Variants in COL7A1 observed in about 807,000 individuals in gnomAD.
The protein encoded by COL7A1 is collagen alpha-1(VII) chain.
In COL7A1, 296 loss-of-function variants were observed where a neutral mutation model predicts 456.2. The ratio of observed to expected loss-of-function variants is 0.65; its 90% CI spans 0.59 to 0.71. The LOEUF (loss-of-function observed/expected upper bound fraction) is 0.71, where lower values mean the gene tolerates loss of function less well. Among genes scored for constraint, COL7A1 ranks in the 30% least tolerant of loss-of-function variants. COL7A1 has a pLI of 0.00. For synonymous variants in COL7A1, 1,464 were observed against 1,525.9 expected (o/e 0.96, Z 0.95); for missense variants, 3,441 against 4,017.2 (o/e 0.86, Z 3.88).
At position 48,584,920 on chromosome 3, in the gene COL7A1, C is replaced by T. The variant is rs759297874; in HGVS notation, c.4001G>A (p.Arg1334His). The change falls in exon 34 of 119, where the codon CGT becomes CAT. Residue 1334 changes from arginine to histidine, a missense_variant. Around this residue, in one of 3 missense-constraint regions of COL7A1, gnomAD observed 2,084 missense variants for 2,501.3 expected, o/e 0.83. Transcript: ENST00000681320. Reference protein sequence around the residue: ...LKGSPGLPGPRGDPGERGPRG... With the variant: ...LKGSPGLPGPHGDPGERGPRG... ...GGGAAGGCACCTTACCGGGTCCCCA[C>T]GAGGGCCAGGCAACCCTGGAGAGCC... The T allele has an allele frequency of 6.8e-6, 11 of 1,613,856 alleles. No individual in the cohort carries two copies. The highest frequency in any genetic ancestry group is 2.2e-5 in the East Asian group (1 of 44,898).
At position 48,595,126 on chromosome 3, in the gene COL7A1, C is replaced by T. The variant is rs771137614; in HGVS notation, c.34G>A (p.Ala12Thr). The T allele has an allele frequency of 2.6e-6, 4 of 1,554,344 alleles. No homozygotes were observed. The South Asian group carries it at 3.6e-5, about 14-fold the overall frequency. Residue 12 changes from alanine to threonine, a missense_variant, in exon 2 of 119, where the codon GCC becomes ACC. This residue lies in a region of COL7A1 where 913 missense variants were observed against 1,088.2 expected (regional missense o/e 0.84). Coordinates refer to ENST00000681320, the MANE Select transcript of COL7A1 (RefSeq NM_000094.4). ...TLRLLVAALC[A>T]GILAEAPRVR... is the part of the protein sequence containing the mutation. Reference sequence around the variant, plus strand: ...CGGGGCGCCTCTGCCAGGATCCCGGCGCAGAGCGCGGCCACCAGAAGCCGC... The same window carrying T: ...CGGGGCGCCTCTGCCAGGATCCCGGTGCAGAGCGCGGCCACCAGAAGCCGC...
chr3:48,567,569 T>C lies in COL7A1; in HGVS notation c.8046+5A>G. 1 of 1,614,138 alleles carries C rather than the reference T, an allele frequency of 6.2e-7. No individual in the cohort carries two copies. Among genetic ancestry groups the C allele is most frequent in the Non-Finnish European group, 8.5e-7 (1 of 1,179,996 alleles). On this transcript the variant is annotated splice_donor_5th_base_variant and intron_variant, in intron 109 of 118. Transcript: ENST00000681320. This position sits in a 1 kb window ranked among gnomAD's most constrained non-coding sequence, Gnocchi z 4.3. ...TGTCATGTCCACTGTCCACAGACCC[T>C]GTACCTTGGGACCGATCAGGCCCTC...
In COL7A1 at chr3:48,567,515, A is replaced by C; in HGVS notation, c.8046+59T>G. 3 of 1,609,480 alleles carry C rather than the reference A, an allele frequency of 1.9e-6. No individual in the cohort carries two copies. The highest frequency in any genetic ancestry group is 2.6e-6 in the Non-Finnish European group (3 of 1,176,178). On this transcript the variant is annotated intron_variant, in intron 109 of 118. Transcript: ENST00000681320. The surrounding 1 kb of genome is among the most constrained non-coding windows in gnomAD (Gnocchi z 4.3). Reference sequence around the variant, plus strand: ...GTCCCTACACCCCCATGACCCGACCATGAGCTTCCCTGCCCCATCCTGACT... The same window carrying C: ...GTCCCTACACCCCCATGACCCGACCCTGAGCTTCCCTGCCCCATCCTGACT...
rs1044779294 is a variant in COL7A1, at chr3:48,569,285, C to T, written c.7686+90G>A. On this transcript the variant is annotated intron_variant, in intron 103 of 118. Coordinates refer to ENST00000681320, the MANE Select transcript of COL7A1 (RefSeq NM_000094.4). This position sits in a 1 kb window ranked among gnomAD's most constrained non-coding sequence, Gnocchi z 4.9. ...TTCCCCCTAAACCCCAGAAAGCCTC[C>T]TCCTGTCCTCCCCTCCTGCCCTCAC... 2 of 1,508,560 alleles carry T rather than the reference C, an allele frequency of 1.3e-6. No individual in the cohort carries two copies. The highest frequency in any genetic ancestry group is 1.8e-6 in the Non-Finnish European group (2 of 1,084,290). 93.4% of individuals were successfully genotyped at this position (1,508,560 alleles called of 1,614,324 possible).
Position 48,564,455 on chromosome 3 carries a change from C to G in COL7A1, c.8819-33G>C, listed in dbSNP as rs547218840. ...GGACAGGTTGGAAACGGTCGTCAGC[C>G]ATCTGACCTTCCCCGGAGACGCTCA... On this transcript the variant is annotated intron_variant, in intron 118 of 118. Coordinates refer to ENST00000681320, the MANE Select transcript of COL7A1 (RefSeq NM_000094.4). This position sits in a 1 kb window ranked among gnomAD's most constrained non-coding sequence, Gnocchi z 6.0. 4 of 1,613,578 alleles carry G rather than the reference C, an allele frequency of 2.5e-6. No individual in the cohort carries two copies. In the Admixed American group the frequency reaches 5.0e-5, roughly 20 times the overall value.
At position 48,569,672 on chromosome 3, in the gene COL7A1, AG is replaced by A. The variant is rs2043787412; in HGVS notation, c.7558-25del. 1 of 1,613,928 alleles carries A rather than the reference AG, an allele frequency of 6.2e-7. No homozygotes were observed. The highest frequency in any genetic ancestry group is 8.5e-7 in the Non-Finnish European group (1 of 1,179,990). On this transcript the variant is annotated intron_variant, in intron 101 of 118. Transcript: ENST00000681320. The surrounding 1 kb of genome is among the most constrained non-coding windows in gnomAD (Gnocchi z 4.9). Reference sequence around the variant, plus strand: ...CCCTGAGGGGGCAGGCAGGAATCAGAGGAGTCGGGAGCACCCTGGCCCCTGC... The same window carrying A: ...CCCTGAGGGGGCAGGCAGGAATCAGAGAGTCGGGAGCACCCTGGCCCCTGC...
Position 48,588,055 on chromosome 3 carries a change from C to A in COL7A1, c.2711-116G>T. ...AACTGGGTTCACCCTCCTGACTGAT[C>A]TTCCTCATCCTCACTGACCCTGCCC... is the stretch of plus-strand genomic sequence containing the variant. On this transcript the variant is annotated intron_variant, in intron 21 of 118. Transcript: ENST00000681320. This position sits in a 1 kb window ranked among gnomAD's most constrained non-coding sequence, Gnocchi z 4.6. The A allele has an allele frequency of 7.3e-7, 1 of 1,376,442 alleles. No individual in the cohort carries two copies. Among genetic ancestry groups the A allele is most frequent in the Non-Finnish European group, 9.9e-7 (1 of 1,008,876 alleles). 85.3% of individuals were successfully genotyped at this position (1,376,442 alleles called of 1,614,324 possible).
At position 48,594,956 on chromosome 3, in the gene COL7A1, C is replaced by T. The variant is rs2045973383; in HGVS notation, c.85+119G>A. 3 of 845,788 alleles carry T rather than the reference C, an allele frequency of 3.5e-6. No individual in the cohort carries two copies. Among genetic ancestry groups the T allele is most frequent in the East Asian group, 2.7e-5 (1 of 37,298 alleles). The allele number at this position is 845,788 out of a possible 1,614,324, so 52.4% of individuals were successfully genotyped here. On this transcript the variant is annotated intron_variant, in intron 2 of 118. Transcript: ENST00000681320. This position sits in a 1 kb window ranked among gnomAD's most constrained non-coding sequence, Gnocchi z 5.5. ...GGGAGTCCCAGAATTAGGAGGAATC[C>T]GCGGGGCGTCGTGGAGTTGGCTGGG...
At position 48,579,470 on chromosome 3, in the gene COL7A1, C is replaced by A; in HGVS notation, c.5271+10G>T. The A allele has an allele frequency of 6.2e-7, 1 of 1,614,142 alleles. No individual in the cohort carries two copies. Among genetic ancestry groups the A allele is most frequent in the Non-Finnish European group, 8.5e-7 (1 of 1,180,038 alleles). On this transcript the variant is annotated intron_variant, in intron 60 of 118. Transcript: ENST00000681320. This position sits in a 1 kb window ranked among gnomAD's most constrained non-coding sequence, Gnocchi z 4.4. The stretch of plus-strand genomic sequence containing the variant: ...GGGACTTGGCAGACGGGGCAAAGTG[C>A]ATCACTCACCTGTGGGCCTGGGGGT...
At position 48,580,549 on chromosome 3, in the gene COL7A1, G is replaced by A; in HGVS notation, c.5052+32C>T. 1 of 1,608,826 alleles carries A rather than the reference G, an allele frequency of 6.2e-7. No homozygotes were observed. The highest frequency in any genetic ancestry group is 8.5e-7 in the Non-Finnish European group (1 of 1,175,744). On this transcript the variant is annotated intron_variant, in intron 55 of 118. Transcript: ENST00000681320. The surrounding 1 kb of genome is among the most constrained non-coding windows in gnomAD (Gnocchi z 4.5). ...GGAATTGGCTGGTTGGAGGGTTAAG[G>A]TTGGGGTGAGGAGTCATAGGCTGGG...
rs13325221 is a variant in COL7A1 at position 48,573,074 on chromosome 3, G to A, written c.6715-18C>T. On this transcript the variant is annotated intron_variant, in intron 85 of 118. Coordinates refer to ENST00000681320, the MANE Select transcript of COL7A1 (RefSeq NM_000094.4). This position sits in a 1 kb window ranked among gnomAD's most constrained non-coding sequence, Gnocchi z 5.5. ...TGTGGACCCTGACGGAGAACAAGTC[G>A]GATGTCAGGGTGACAATGGACACAG... 3.7e-3 allele frequency: 5,894 copies of A among 1,614,100 alleles called. 167 individuals are homozygous for A. The African/African-American group carries it at 0.06, about 17-fold the overall frequency.
At position 48,565,341 on chromosome 3, in the gene COL7A1, C is replaced by T; in HGVS notation, c.8527+69G>A. 6.5e-7 allele frequency: 1 copy of T among 1,537,652 alleles called. No homozygotes were observed. Among genetic ancestry groups the T allele is most frequent in the Admixed American group, 1.9e-5 (1 of 52,006 alleles). On this transcript the variant is annotated intron_variant, in intron 116 of 118. Coordinates refer to ENST00000681320, the MANE Select transcript of COL7A1 (RefSeq NM_000094.4). This position sits in a 1 kb window ranked among gnomAD's most constrained non-coding sequence, Gnocchi z 4.5. ...CCCTACGTGCTTGGCGTGTGCCCTG[C>T]ATTCATGGACACCCATGTGCGTGTC...
Position 48,570,880 on chromosome 3 carries a change from G to A in COL7A1, c.7253C>T (p.Pro2418Leu), listed in dbSNP as rs1393769266. The A allele has an allele frequency of 1.2e-6, 2 of 1,612,724 alleles. No homozygotes were observed. The highest frequency in any genetic ancestry group is 1.3e-5 in the African/African-American group (1 of 74,904). The part of the protein sequence containing the change: ...QTGPRGEMGQ[P>L]GPSGERGLAG... ...CCTCACCCGCTCTCCACTAGGGCCT[G>A]GCTGACCCATCTCTCCTCGAGGGCC... is the stretch of plus-strand genomic sequence containing the variant. Residue 2418 changes from proline to leucine, a missense_variant, in exon 95 of 119, where the codon CCA becomes CTA. This residue lies in a region of COL7A1 where 2,084 missense variants were observed against 2,501.3 expected (regional missense o/e 0.83). Transcript: ENST00000681320. The surrounding 1 kb of genome is among the most constrained non-coding windows in gnomAD (Gnocchi z 5.5).
chr3:48,575,938 CAG>C lies in COL7A1; in HGVS notation c.5821-38_5821-37del. On this transcript the variant is annotated intron_variant, in intron 71 of 118. Coordinates refer to ENST00000681320, the MANE Select transcript of COL7A1 (RefSeq NM_000094.4). The surrounding 1 kb of genome is among the most constrained non-coding windows in gnomAD (Gnocchi z 6.3). Reference sequence around the variant, plus strand: ...AGTCTGGGTGAAGGGCTGCCCATGACAGAGAAGCTCCTGCCTTCTGCCCCGCA... The same window carrying C: ...AGTCTGGGTGAAGGGCTGCCCATGACAGAAGCTCCTGCCTTCTGCCCCGCA... 1 of 1,614,124 alleles carries C rather than the reference CAG, an allele frequency of 6.2e-7. No individual in the cohort carries two copies. Among genetic ancestry groups the C allele is most frequent in the Non-Finnish European group, 8.5e-7 (1 of 1,180,024 alleles).
Position 48,583,321 on chromosome 3 carries a change from C to T in COL7A1, c.4437+72G>A. Reference sequence around the variant, plus strand: ...GAGGGAACTCTTATCTCCTTATCTTCCAGCCTCCCCTAACACCATGGGGAG... The same window carrying T: ...GAGGGAACTCTTATCTCCTTATCTTTCAGCCTCCCCTAACACCATGGGGAG... On this transcript the variant is annotated intron_variant, in intron 42 of 118. Transcript: ENST00000681320. This position sits in a 1 kb window ranked among gnomAD's most constrained non-coding sequence, Gnocchi z 5.1. 6.2e-7 allele frequency: 1 copy of T among 1,611,478 alleles called. No individual in the cohort carries two copies. Among genetic ancestry groups the T allele is most frequent in the Non-Finnish European group, 8.5e-7 (1 of 1,177,866 alleles).
Position 48,581,766 on chromosome 3 carries a change from G to A in COL7A1, c.4669-7C>T. On this transcript the variant is annotated splice_region_variant and splice_polypyrimidine_tract_variant and intron_variant, in intron 48 of 118. Transcript: ENST00000681320. This position sits in a 1 kb window ranked among gnomAD's most constrained non-coding sequence, Gnocchi z 5.8. Reference sequence around the variant, plus strand: ...CAGCGGGCCCCACATCTCCCTGGAGGTGACAAAGACCATCAGTGCTAGTCC... The same window carrying A: ...CAGCGGGCCCCACATCTCCCTGGAGATGACAAAGACCATCAGTGCTAGTCC... The A allele has an allele frequency of 1.2e-6, 2 of 1,614,036 alleles. No homozygotes were observed. The highest frequency in any genetic ancestry group is 1.3e-5 in the African/African-American group (1 of 75,022).
chr3:48,594,526 GGC>G lies in COL7A1; in HGVS notation c.106_107del (p.Ala36ArgfsTer2). 1 of 1,607,526 alleles carries G rather than the reference GGC, an allele frequency of 6.2e-7. No homozygotes were observed. The highest frequency in any genetic ancestry group is 1.1e-5 in the South Asian group (1 of 90,518). On this transcript the variant is annotated frameshift_variant, in exon 3 of 119. Transcript: ENST00000681320. LOFTEE classifies it high-confidence loss of function. This position sits in a 1 kb window ranked among gnomAD's most constrained non-coding sequence, Gnocchi z 5.5. ...RERVTCTRLYAADIVFLLDGS... is the reference protein window; with the variant it reads ...RERVTCTRLYXADIVFLLDGS... ...CATCCAGTAAGAACACAATGTCAGCGGCGTAAAGGCGCGTGCAGGTCACTGGG... is the reference window on the plus strand; with the variant it reads ...CATCCAGTAAGAACACAATGTCAGCGGTAAAGGCGCGTGCAGGTCACTGGG...
rs750491300 is a variant in COL7A1, at chr3:48,571,305, G to T, written c.7069-27C>A. 1 of 1,613,940 alleles carries T rather than the reference G, an allele frequency of 6.2e-7. No individual in the cohort carries two copies. On this transcript the variant is annotated intron_variant, in intron 92 of 118. Transcript: ENST00000681320. This position sits in a 1 kb window ranked among gnomAD's most constrained non-coding sequence, Gnocchi z 4.6. ...TAAGAAAACCCAGCAAACAGCATTT[G>T]AGAGGGTAGGAACATGAGCACAGAG...
rs769000647 is a variant in COL7A1, at chr3:48,592,802, T to C, written c.819A>G (p.Gly273=). 1 of 1,613,082 alleles carries C rather than the reference T, an allele frequency of 6.2e-7. No individual in the cohort carries two copies. Among genetic ancestry groups the C allele is most frequent in the South Asian group, 1.1e-5 (1 of 91,090 alleles). The change falls in exon 7 of 119, where the codon GGA becomes GGG. Residue 273 remains glycine (G), a synonymous_variant. Transcript: ENST00000681320. The surrounding 1 kb of genome is among the most constrained non-coding windows in gnomAD (Gnocchi z 7.6). ...KVQYTPLTGL[G]QPLPSERQEV... is the part of the protein sequence containing the mutation. The stretch of plus-strand genomic sequence containing the variant: ...CCTGCCGCTCACTCGGCAGTGGCTG[T>C]CCCAGCCCCGTCAGAGGAGTGTACT...
Sources: gnomAD v4.1 joint callset for allele counts on GRCh38, gnomAD v4.1.1 for gene constraint, gnomAD v4.1.1 regional missense constraint, Gnocchi (gnomAD v3.1) non-coding constraint, MANE v1.5 for transcripts, NCBI Gene and HGNC (gene_info 2026-07-23, HGNC 2026-07-21) for gene names.